The following HIVEP3 variants were observed in gnomAD, a reference collection of about 807,000 sequenced individuals.
The protein encoded by HIVEP3 is transcription factor HIVEP3.
HIVEP3 carries 49 observed loss-of-function variants against 152.8 expected under a neutral mutation model. The observed-to-expected ratio is 0.32, with a 90% CI of 0.26 to 0.41. The LOEUF is 0.41. HIVEP3 is among the 10% of genes least tolerant of loss of function. HIVEP3 has a pLI of 1.00. For missense variants in HIVEP3, 2,790 were observed against 3,103.3 expected, an observed-to-expected ratio of 0.90 and a Z score of 2.40; for synonymous variants, 1,269 against 1,289.0, an observed-to-expected ratio of 0.98 and a Z score of 0.33.
intron 1 of HIVEP3, among the ~76,000 whole-genome samples, chr1:41,759,490 C>G (rs1162237637): frequency 6.6e-6 from 1 of 152,134 alleles, no homozygotes; most frequent in East Asian, 1.9e-4. Context: ...GTGAATAGTG[C>G]AGATATGAGC....
chr1:41,926,161 T>C (rs1265835132), intron 1 of HIVEP3, among the ~76,000 whole-genome samples: 1 of 152,192 alleles, frequency 6.6e-6, no homozygotes, highest in Admixed American at 6.5e-5. Context: ...ATTGAAGTCA[T>C]TGTTCTATTA....
chr1:41,603,726 A>G (rs1301519413), intron 3 of HIVEP3, among the ~76,000 whole-genome samples: 1 of 152,226 alleles, frequency 6.6e-6, no homozygotes, highest in Non-Finnish European at 1.5e-5. Context: ...TCAATCTTAA[A>G]TTTGTTAAGA....
At chr1:41,537,155 C>T (rs1643422231) in intron 5 of HIVEP3, among the ~76,000 whole-genome samples, 1 of 152,180 alleles carries the variant, frequency 6.6e-6, no homozygotes, top group Non-Finnish European at 1.5e-5. Context: ...AACTCAATGG[C>T]CTCCAAGTTA....
At chr1:41,896,559 GC>G (rs1227632674) in intron 1 of HIVEP3, among the ~76,000 whole-genome samples, 1 of 150,960 alleles carries the variant, frequency 6.6e-6, no homozygotes, top group African/African-American at 2.5e-5. Flanking sequence ...AAAAAGGCAT[GC>G]TTTTTACTTT....
chr1:41,994,402 C>T (rs1645382900), intron 1 of HIVEP3, among the ~76,000 whole-genome samples: 1 of 152,122 alleles, frequency 6.6e-6, no homozygotes, highest in Admixed American at 6.6e-5. Flanking sequence ...TGTCCCCACC[C>T]AAATCTCATG....
chr1:41,932,625 T>C (rs2124481193), intron 1 of HIVEP3, among the ~76,000 whole-genome samples: 1 of 152,052 alleles, frequency 6.6e-6, no homozygotes, highest in Admixed American at 6.6e-5. Context: ...AGAACCAGCT[T>C]TTGGTTTGAT....
At chr1:41,677,069 A>G (rs1444376278) in intron 2 of HIVEP3, among the ~76,000 whole-genome samples, 3 of 152,338 alleles carry the variant, frequency 2.0e-5, no homozygotes, top group South Asian at 2.1e-4. Context: ...AAGAATGGGG[A>G]AAATAAGAGT....
chr1:41,846,338 T>C (rs908164063), intron 1 of HIVEP3, among the ~76,000 whole-genome samples: 17 of 152,236 alleles, frequency 1.1e-4, no homozygotes, highest in Admixed American at 1.1e-3. Context: ...TTTCCCTACA[T>C]ACATAAAACA....
chr1:41,723,479 TACAC>T (rs61628738), intron 1 of HIVEP3, among the ~76,000 whole-genome samples: 3 of 118,850 alleles, frequency 2.5e-5, no homozygotes, highest in Non-Finnish European at 4.7e-5. Context: ...CATAAAATCA[TACAC>T]ACACACACAC....
At chr1:41,910,298 T>C (rs1056716331) in intron 1 of HIVEP3, among the ~76,000 whole-genome samples, 3 of 151,882 alleles carry the variant, frequency 2.0e-5, no homozygotes, top group African/African-American at 7.2e-5. Flanking sequence ...AAGGTAAAAA[T>C]TTTGAAAACT....
At chr1:41,692,544 A>G (rs1262566884) in intron 2 of HIVEP3, among the ~76,000 whole-genome samples, 2 of 152,238 alleles carry the variant, frequency 1.3e-5, no homozygotes, top group Admixed American at 1.3e-4. Flanking sequence ...TGAGAAAAAC[A>G]TTGTAACCAG....
intron 1 of HIVEP3, among the ~76,000 whole-genome samples, chr1:42,021,284 TAAG>T (rs144464544): frequency 0.011 from 1,705 of 152,218 alleles, 26 homozygotes; most frequent in African/African-American, 0.038. Context: ...TATAAGGAGA[TAAG>T]AAGTGCTCAG....
chr1:41,738,493 A>G (rs1296175581), intron 1 of HIVEP3, among the ~76,000 whole-genome samples: 1 of 152,204 alleles, frequency 6.6e-6, no homozygotes, highest in African/African-American at 2.4e-5. Context: ...AAAGAAATTC[A>G]TTGACTCTTC....
intron 5 of HIVEP3, among the ~76,000 whole-genome samples, chr1:41,549,204 C>T (rs1643870321): frequency 6.6e-6 from 1 of 152,144 alleles, no homozygotes. Context: ...GACATGAACT[C>T]ATCCTTTTCT....
chr1:41,632,438 G>C (rs1645208857), intron 2 of HIVEP3, among the ~76,000 whole-genome samples: 1 of 152,192 alleles, frequency 6.6e-6, no homozygotes, highest in Non-Finnish European at 1.5e-5. Context: ...AACAAAGGGA[G>C]TCATGTAAGA....
At chr1:41,931,892 C>T (rs1315873416) in intron 1 of HIVEP3, among the ~76,000 whole-genome samples, 3 of 151,880 alleles carry the variant, frequency 2.0e-5, no homozygotes, top group Admixed American at 6.6e-5. Context: ...TAAAGTTACA[C>T]GTGAAAAGAC....
intron 2 of HIVEP3, among the ~76,000 whole-genome samples, chr1:41,692,068 T>C (rs1457891269): frequency 1.3e-5 from 2 of 152,216 alleles, no homozygotes; most frequent in Non-Finnish European, 2.9e-5. Context: ...GGTCTTGAAC[T>C]CCTGACCTCA....
At chr1:41,867,167 G>A (rs925549026) in intron 1 of HIVEP3, among the ~76,000 whole-genome samples, 1 of 152,116 alleles carries the variant, frequency 6.6e-6, no homozygotes, top group Non-Finnish European at 1.5e-5. Flanking sequence ...GAGCTGTTCT[G>A]CAGTGGGCAT....
At chr1:41,821,401 C>A (rs566375058) in intron 1 of HIVEP3, among the ~76,000 whole-genome samples, 32 of 152,322 alleles carry the variant, frequency 2.1e-4, no homozygotes, top group African/African-American at 7.2e-4. Context: ...TCTATTTCAT[C>A]TTCCATGTGT....
Sources: gnomAD v4.1 joint callset for allele counts (sites outside exome capture counted in the v4.1 genomes callset) on GRCh38, gnomAD v4.1.1 for gene constraint, MANE v1.5 for transcripts, NCBI Gene and HGNC (gene_info 2026-07-23, HGNC 2026-07-21) for gene names.